UBE2E3: variants seen among roughly 807,000 people sequenced by gnomAD.
UBE2E3 encodes the protein ubiquitin-conjugating enzyme E2 E3.
In UBE2E3, 5 loss-of-function variants were observed where a neutral mutation model predicts 23.6. That is an observed-to-expected ratio of 0.21 (90% CI 0.11 to 0.44). The LOEUF (loss-of-function observed/expected upper bound fraction) is 0.44, where lower values mean the gene tolerates loss of function less well. Ranked by LOEUF, UBE2E3 falls within the 20% of genes least tolerant of loss-of-function variation. UBE2E3 has a pLI of 0.99. For synonymous variants in UBE2E3, 78 were observed against 87.5 expected, an observed-to-expected ratio of 0.89 and a Z score of 0.60; for missense variants, 81 against 249.8, an observed-to-expected ratio of 0.32 and a Z score of 4.55.
chr2:181,017,950 C>T (rs560860662), intron 3 of UBE2E3, among the ~76,000 whole-genome samples: 2 of 151,368 alleles, frequency 1.3e-5, no homozygotes, highest in Non-Finnish European at 2.9e-5. Flanking sequence ...GTCTTCTGAG[C>T]GTGACTCTCT....
chr2:181,024,564 T>C (rs1477460207), intron 3 of UBE2E3, among the ~76,000 whole-genome samples: 5 of 152,116 alleles, frequency 3.3e-5, no homozygotes, highest in African/African-American at 1.2e-4. Context: ...ACTTTTAATA[T>C]ATGTGATTAT....
chr2:181,024,033 T>C (rs1685795826), intron 3 of UBE2E3, among the ~76,000 whole-genome samples: 2 of 152,134 alleles, frequency 1.3e-5, no homozygotes, highest in African/African-American at 4.8e-5. Flanking sequence ...CCAGTACTCA[T>C]GTTTGTTACT....
At chr2:180,987,315 T>A in intron 3 of UBE2E3, 1 of 1,549,014 alleles carries the variant, frequency 6.5e-7, no homozygotes, top group Non-Finnish European at 8.7e-7. Flanking sequence ...TATTAAGACA[T>A]TTACTTTCCA....
intron 3 of UBE2E3, among the ~76,000 whole-genome samples, chr2:181,006,764 C>A (rs1019132593): frequency 2.6e-5 from 4 of 152,132 alleles, no homozygotes; most frequent in Non-Finnish European, 1.5e-5. Context: ...AACCCAACCT[C>A]CAAACATTTG....
chr2:180,987,420 A>G (rs1684514949), intron 3 of UBE2E3: 1 of 1,548,804 alleles, frequency 6.5e-7, no homozygotes, highest in African/African-American at 1.4e-5. Context: ...CTTAACCCCT[A>G]ATTTCTTTCC....
chr2:180,984,011 A>C, intron 2 of UBE2E3, 32 bp from the exon 3 acceptor site: 2 of 1,588,838 alleles, frequency 1.3e-6, no homozygotes, highest in Non-Finnish European at 8.6e-7. Flanking sequence ...ACTATATCAA[A>C]TCCTTTTTGT....
chr2:181,000,506 T>C (rs1457997269), intron 3 of UBE2E3, among the ~76,000 whole-genome samples: 1 of 151,920 alleles, frequency 6.6e-6, no homozygotes, highest in Admixed American at 6.6e-5. Context: ...ATAAATGGTA[T>C]CCCCTGAGTT....
chr2:181,055,028 T>C (rs1317785159), intron 3 of UBE2E3, among the ~76,000 whole-genome samples: 3 of 151,624 alleles, frequency 2.0e-5, no homozygotes, highest in African/African-American at 4.8e-5. Context: ...AATATGAAGA[T>C]TGAGAAATGA....
intron 3 of UBE2E3, among the ~76,000 whole-genome samples, chr2:181,019,074 G>C (rs1050618009): frequency 2.0e-5 from 3 of 151,964 alleles, no homozygotes; most frequent in African/African-American, 7.3e-5. Context: ...AGCGATTCTC[G>C]TGCCTCAGTC....
At chr2:181,032,235 A>G (rs1047581983) in intron 3 of UBE2E3, among the ~76,000 whole-genome samples, 1 of 152,216 alleles carries the variant, frequency 6.6e-6, no homozygotes, top group African/African-American at 2.4e-5. Context: ...CATTATTTCA[A>G]AGGAAAAGTA....
intron 3 of UBE2E3, among the ~76,000 whole-genome samples, chr2:180,993,414 T>C (rs945477534): frequency 6.6e-6 from 1 of 152,232 alleles, no homozygotes; most frequent in Non-Finnish European, 1.5e-5. Context: ...GCAAATATAC[T>C]CTGTCATTCT....
chr2:180,996,632 T>G (rs932621009), intron 3 of UBE2E3, among the ~76,000 whole-genome samples: 2 of 151,892 alleles, frequency 1.3e-5, no homozygotes, highest in Admixed American at 1.3e-4. Flanking sequence ...ACCTGCCTCT[T>G]CCCCCCCATT....
intron 3 of UBE2E3, 83 bp downstream of exon 3, chr2:180,984,176 C>A: frequency 1.7e-6 from 2 of 1,194,814 alleles, no homozygotes; most frequent in Non-Finnish European, 2.4e-6. Context: ...ATGTGTGCAG[C>A]AGAGGAGACA....
At chr2:181,060,625 G>A in intron 4 of UBE2E3, 40 bp from the exon 5 acceptor site, 6 of 1,531,232 alleles carry the variant, frequency 3.9e-6, no homozygotes, top group Non-Finnish European at 5.3e-6. Flanking sequence ...TGGTAATACA[G>A]CATTCATTTT....
intron 3 of UBE2E3, among the ~76,000 whole-genome samples, chr2:181,001,121 C>G (rs1197841677): frequency 6.6e-6 from 1 of 152,076 alleles, no homozygotes; most frequent in Non-Finnish European, 1.5e-5. Context: ...CTTTCAGAAA[C>G]CTGTTGAAAG....
At chr2:181,056,477 C>G (rs1356265712) in intron 3 of UBE2E3, among the ~76,000 whole-genome samples, 1 of 151,702 alleles carries the variant, frequency 6.6e-6, no homozygotes, top group African/African-American at 2.4e-5. Context: ...AAAGAGATCA[C>G]AAAGCAAGAG....
intron 3 of UBE2E3, among the ~76,000 whole-genome samples, chr2:181,049,978 A>G (rs1393537163): frequency 6.6e-6 from 1 of 151,996 alleles, no homozygotes; most frequent in Non-Finnish European, 1.5e-5. Context: ...TGAATATATG[A>G]AATGAAGACT....
intron 3 of UBE2E3, among the ~76,000 whole-genome samples, chr2:181,027,793 C>G (rs1389470246): frequency 6.6e-6 from 1 of 151,818 alleles, no homozygotes; most frequent in Non-Finnish European, 1.5e-5. Context: ...ATTGCCATAA[C>G]TCTACTTTCC....
intron 3 of UBE2E3, among the ~76,000 whole-genome samples, chr2:181,015,838 A>G (rs1685469468): frequency 6.6e-6 from 1 of 152,042 alleles, no homozygotes; most frequent in Non-Finnish European, 1.5e-5. Flanking sequence ...GATGATACCC[A>G]CAAAACTTAA....
Sources: gnomAD v4.1 joint callset for allele counts (sites outside exome capture counted in the v4.1 genomes callset) on GRCh38, gnomAD v4.1.1 for gene constraint, MANE v1.5 for transcripts, NCBI Gene and HGNC (gene_info 2026-07-23, HGNC 2026-07-21) for gene names.